Variants in NLRP11 observed in about 807,000 individuals in gnomAD.
The protein encoded by NLRP11 is NLR family pyrin domain containing 11, also known as NACHT, LRR and PYD domains-containing protein 11.
A neutral mutation model predicts 79.3 loss-of-function variants in NLRP11; 53 were observed. The observed-to-expected ratio is 0.67, with a 90% CI of 0.54 to 0.84. The LOEUF (loss-of-function observed/expected upper bound fraction) is 0.84, where lower values mean the gene tolerates loss of function less well. Among genes scored for constraint, NLRP11 ranks in the 40% least tolerant of loss-of-function variants. The pLI is 0.00. For synonymous variants in NLRP11, 518 were observed against 462.6 expected (o/e 1.12, Z -1.54); for missense variants, 1,264 against 1,255.0 (o/e 1.01, Z -0.11).
In NLRP11 at chr19:55,809,750, G is replaced by C. The variant is rs759098757; in HGVS notation, c.860C>G (p.Thr287Arg). 5 of 1,614,040 alleles carry C rather than the reference G, an allele frequency of 3.1e-6. No individual in the cohort carries two copies. The Admixed American group carries it at 6.7e-5, about 22-fold the overall frequency. The stretch of plus-strand genomic sequence containing the variant: ...GCAGCAATCTACCTCTTTCAAGAAC[G>C]TTTTTACATTATTCCCACGTGTGGG... The change falls in exon 3 of 10, where the codon ACG becomes AGG. Residue 287 changes from threonine to arginine, a missense_variant. By Grantham distance (71) the Thr-to-Arg change is moderately conservative. Transcript: ENST00000589093. This position sits in a 1 kb window ranked among gnomAD's most constrained non-coding sequence, Gnocchi z 4.5.
Position 55,823,038 on chromosome 19 carries a change from G to C in NLRP11, c.-62-4802C>G, listed in dbSNP as rs1289645637. On this transcript the variant is annotated intron_variant, in intron 1 of 9. Coordinates refer to ENST00000589093, the Ensembl canonical transcript of NLRP11. ...GTCTGACAGCTTTGAAGAGAGCAGTGGTTCTCCCAGCACGCAGCTGGAGAT... is the reference window on the plus strand; with the variant it reads ...GTCTGACAGCTTTGAAGAGAGCAGTCGTTCTCCCAGCACGCAGCTGGAGAT... 2.2e-5 allele frequency among the ~76,000 whole-genome samples: 3 copies of C among 134,428 alleles called. No individual in the cohort carries two copies. The East Asian group carries it at 6.9e-4, about 31-fold the overall frequency. 88.2% of individuals were successfully genotyped at this position (134,428 alleles called of 152,430 possible).
exon 10 of NLRP11, chr19:55,785,806 G>A: frequency 6.2e-7 from 1 of 1,613,940 alleles, no homozygotes; most frequent in Non-Finnish European, 8.5e-7. Context: ...GATCAAACTG[G>A]GTTTTCTTTC....
Position 55,831,232 on chromosome 19 carries a change from C to T in NLRP11, c.-63+731G>A, listed in dbSNP as rs142546136. ...AAACCTCCTCCTATCTCCTTCCTTT[C>T]GGAGCCTAGGCACAACTGACGGGCA... On this transcript the variant is annotated intron_variant, in intron 1 of 9. Coordinates refer to ENST00000589093, the Ensembl canonical transcript of NLRP11. Among the ~76,000 whole-genome samples the T allele has an allele frequency of 3.3e-4, 49 of 150,584 alleles. 1 individual carries two copies. The East Asian group carries it at 8.4e-3, about 26-fold the overall frequency.
At chr19:55,808,221 C>T (rs533603115) in intron 3 of NLRP11, among the ~76,000 whole-genome samples, 41 of 152,192 alleles carry the variant, frequency 2.7e-4, no homozygotes, top group Non-Finnish European at 5.3e-4. Flanking sequence ...TGATAAGACA[C>T]ATCTGAGTGC....
chr19:55,804,076 C>G (rs1979742195), intron 4 of NLRP11, among the ~76,000 whole-genome samples: 1 of 151,984 alleles, frequency 6.6e-6, no homozygotes, highest in African/African-American at 2.4e-5. Flanking sequence ...AGCAAGACTC[C>G]ACCTCGAAAA....
intron 1 of NLRP11, among the ~76,000 whole-genome samples, chr19:55,823,615 T>C (rs1328573546): frequency 6.9e-6 from 1 of 145,850 alleles, no homozygotes; most frequent in East Asian, 2.2e-4. Flanking sequence ...ACGTGAAGAA[T>C]GCAGAAGCCT....
chr19:55,822,872 A>T (rs1479394729), intron 1 of NLRP11, among the ~76,000 whole-genome samples: 1 of 152,224 alleles, frequency 6.6e-6, no homozygotes, highest in African/African-American at 2.4e-5. Context: ...GATTAGGTAA[A>T]CAAAGCAGCC....
intron 3 of NLRP11, among the ~76,000 whole-genome samples, chr19:55,808,416 C>T (rs988756783): frequency 4.6e-5 from 7 of 152,096 alleles, no homozygotes; most frequent in Non-Finnish European, 8.8e-5. Context: ...GCAATTCTGC[C>T]GCTAAGCAGA....
At chr19:55,823,607 G>C (rs1440861185) in intron 1 of NLRP11, among the ~76,000 whole-genome samples, 1 of 145,958 alleles carries the variant, frequency 6.9e-6, no homozygotes, top group Non-Finnish European at 1.5e-5. Flanking sequence ...CGAGAACTAC[G>C]TGAAGAATGC....
chr19:55,829,534 G>T (rs1163539904), intron 1 of NLRP11, among the ~76,000 whole-genome samples: 1 of 151,920 alleles, frequency 6.6e-6, no homozygotes, highest in Admixed American at 6.6e-5. Flanking sequence ...GGGCGTGGTG[G>T]CACGCGCCTG....
chr19:55,830,841 G>C (rs1199384773), intron 1 of NLRP11, among the ~76,000 whole-genome samples: 2 of 152,138 alleles, frequency 1.3e-5, no homozygotes, highest in East Asian at 3.9e-4. Context: ...CCAAGTCGGC[G>C]TTGCATCAGA....
chr19:55,831,977 G>C (rs1249140366), exon 1 of NLRP11: 3 of 152,218 alleles, frequency 2.0e-5, no homozygotes, highest in Non-Finnish European at 4.4e-5. Context: ...CCTGCCACCA[G>C]GTCTCCTTGG....
intron 9 of NLRP11, 151 bp downstream of exon 9, chr19:55,788,656 C>T (rs1300771701): frequency 3.5e-6 from 2 of 577,154 alleles, no homozygotes; most frequent in East Asian, 3.0e-5. Flanking sequence ...AGGAGAATCG[C>T]TTGAAGCTGG....
chr19:55,791,350 C>G (rs1284894597), intron 7 of NLRP11, among the ~76,000 whole-genome samples: 1 of 152,126 alleles, frequency 6.6e-6, no homozygotes, highest in African/African-American at 2.4e-5. Flanking sequence ...TCAAAGGAAG[C>G]AAGATTCTAG....
rs1982135181 is a variant in NLRP11, at chr19:55,824,761, G to A, written c.-62-6525C>T. Among the ~76,000 whole-genome samples the A allele has an allele frequency of 9.5e-5, 10 of 105,138 alleles. 2 individuals are homozygous for A. In the South Asian group the frequency reaches 2.7e-3, roughly 28 times the overall value. 69.0% of individuals were successfully genotyped at this position (105,138 alleles called of 152,430 possible). A position where few individuals can be genotyped will look rare whatever the true frequency, so the allele number is the denominator to read the frequency against. On this transcript the variant is annotated intron_variant, in intron 1 of 9. Coordinates refer to ENST00000589093, the Ensembl canonical transcript of NLRP11. ...ATACAGGAGCACCCAGATTCATAAA[G>A]CAAGTCCTGAGTGACCTACAAAGAG...
upstream of NLRP11, among the ~76,000 whole-genome samples, chr19:55,835,429 A>C (rs578213937): frequency 6.6e-6 from 1 of 152,388 alleles, no homozygotes; most frequent in East Asian, 1.9e-4. Flanking sequence ...GGCCAGGCAC[A>C]GTGGCTCATG....
intron 7 of NLRP11, among the ~76,000 whole-genome samples, chr19:55,791,204 GAA>G (rs1990214655): frequency 1.3e-5 from 2 of 152,054 alleles, no homozygotes; most frequent in South Asian, 4.1e-4. Context: ...GCCTGTTATA[GAA>G]AAAGGTTTCT....
At chr19:55,822,560 C>A (rs1026838893) in intron 1 of NLRP11, among the ~76,000 whole-genome samples, 8 of 151,884 alleles carry the variant, frequency 5.3e-5, no homozygotes, top group African/African-American at 1.9e-4. Context: ...ATGCGCGCAC[C>A]GTGCGCGAGC....
intron 6 of NLRP11, among the ~76,000 whole-genome samples, chr19:55,795,568 C>A (rs1457381499): frequency 6.6e-6 from 1 of 152,090 alleles, no homozygotes. Context: ...CGGTTCACTG[C>A]AACCTCCGCC....
Sources: gnomAD v4.1 joint callset for allele counts (sites outside exome capture counted in the v4.1 genomes callset) on GRCh38, gnomAD v4.1.1 for gene constraint, Gnocchi (gnomAD v3.1) non-coding constraint, MANE v1.5 for transcripts, NCBI Gene and HGNC (gene_info 2026-07-23, HGNC 2026-07-21) for gene names.